The following MACROD2 variants were observed in gnomAD, a reference collection of about 807,000 sequenced individuals.
MACROD2 encodes the protein ADP-ribose glycohydrolase MACROD2.
Under a neutral mutation model 70.4 loss-of-function variants are expected in MACROD2, and 36 were observed. The ratio of observed to expected loss-of-function variants is 0.51; its 90% CI spans 0.39 to 0.68. MACROD2 has a LOEUF of 0.68. Ranked by LOEUF, MACROD2 falls within the 30% of genes least tolerant of loss-of-function variation. The pLI, the probability that MACROD2 is intolerant of heterozygous loss-of-function variation, is 0.00. For missense variants in MACROD2, 496 were observed against 538.4 expected (o/e 0.92, Z 0.78); for synonymous variants, 172 against 178.8 (o/e 0.96, Z 0.30).
At position 14,987,357 on chromosome 20, in the gene MACROD2, G is replaced by C. The variant is rs2031347; in HGVS notation, c.419-242583G>C. The stretch of plus-strand genomic sequence containing the variant: ...TAACACAATTCCAGGCAACTAGTAA[G>C]CATTCAAAATGTGTTACTATTATTA... On this transcript the variant is annotated intron_variant, in intron 5 of 17. Transcript: ENST00000684519. Among the ~76,000 whole-genome samples the C allele has an allele frequency of 6.6e-5, 10 of 152,190 alleles. 1 individual carries two copies. The highest frequency in any genetic ancestry group is 6.5e-4 in the Admixed American group (10 of 15,274).
At chr20:15,449,822 G>A (rs373244098) in intron 7 of MACROD2, among the ~76,000 whole-genome samples, 16 of 151,934 alleles carry the variant, frequency 1.1e-4, no homozygotes, top group Non-Finnish European at 1.6e-4. Context: ...GTGAAAACCC[G>A]TCTCTACTAA....
chr20:15,278,318 A>G (rs2077411540), intron 6 of MACROD2, among the ~76,000 whole-genome samples: 2 of 152,190 alleles, frequency 1.3e-5, no homozygotes, highest in South Asian at 4.1e-4. Flanking sequence ...ACCTAACCCA[A>G]CTTCAGGGGG....
chr20:15,066,257 G>C (rs1398656986), intron 5 of MACROD2, among the ~76,000 whole-genome samples: 1 of 151,800 alleles, frequency 6.6e-6, no homozygotes, highest in Non-Finnish European at 1.5e-5. Flanking sequence ...TCAGCCTCTG[G>C]AGTAGCTGGG....
intron 5 of MACROD2, among the ~76,000 whole-genome samples, chr20:15,096,641 A>T (rs755083828): frequency 1.3e-5 from 2 of 150,408 alleles, no homozygotes; most frequent in Non-Finnish European, 3.0e-5. Flanking sequence ...CCTTCTGAGT[A>T]GCTGAGACTA....
chr20:14,804,308 A>T (rs2072613286), intron 5 of MACROD2, among the ~76,000 whole-genome samples: 1 of 151,758 alleles, frequency 6.6e-6, no homozygotes, highest in Non-Finnish European at 1.5e-5. Context: ...TTTAAGCTTC[A>T]TTTAGATTCT....
At chr20:15,112,729 T>C (rs1254060623) in intron 5 of MACROD2, among the ~76,000 whole-genome samples, 1 of 152,174 alleles carries the variant, frequency 6.6e-6, no homozygotes, top group East Asian at 1.9e-4. Flanking sequence ...GCCACCACCA[T>C]CTGTCTCTAG....
At chr20:15,280,662 T>G (rs2077435922) in intron 6 of MACROD2, 1 of 152,216 alleles carries the variant, frequency 6.6e-6, no homozygotes, top group Admixed American at 6.5e-5. Context: ...TTCCTTGGTC[T>G]TCATTAGGCA....
intron 2 of MACROD2, among the ~76,000 whole-genome samples, chr20:14,023,455 T>C (rs1486253831): frequency 1.3e-5 from 2 of 152,244 alleles, no homozygotes; most frequent in Non-Finnish European, 2.9e-5. Context: ...TTTTATGTTT[T>C]AGTTATGAAG....
intron 3 of MACROD2, among the ~76,000 whole-genome samples, chr20:14,258,743 T>C (rs1402164051): frequency 6.6e-6 from 1 of 152,194 alleles, no homozygotes; most frequent in Non-Finnish European, 1.5e-5. Context: ...ATTTTTGTTT[T>C]TGTTGCATTT....
In MACROD2 at chr20:14,837,228, T is replaced by G. The variant is rs774485177; in HGVS notation, c.418+152269T>G. Among the ~76,000 whole-genome samples, 11 of 152,052 alleles carry G rather than the reference T, an allele frequency of 7.2e-5. 1 individual carries two copies. Among genetic ancestry groups the G allele is most frequent in the Admixed American group, 5.9e-4 (9 of 15,266 alleles). Reference sequence around the variant, plus strand: ...TCAACATCTGACATGAACTTTGTCTTTCCAAAGACCATAGAATGGGCTATG... The same window carrying G: ...TCAACATCTGACATGAACTTTGTCTGTCCAAAGACCATAGAATGGGCTATG... On this transcript the variant is annotated intron_variant, in intron 5 of 17. Coordinates refer to ENST00000684519, the MANE Select transcript of MACROD2 (RefSeq NM_001351661.2).
rs61128727 is a variant in MACROD2 at position 15,842,838 on chromosome 20, T to TG, written c.646-19901dup. 6.5e-3 allele frequency among the ~76,000 whole-genome samples: 984 copies of TG among 152,206 alleles called. 5 individuals are homozygous for TG. Among genetic ancestry groups the TG allele is most frequent in the Non-Finnish European group, 0.011 (755 of 68,006 alleles). ...ACGTAACACTTTACCTCCTTTGCCC[T>TG]GGGGGGTTGTGTCGTCTCTCAAGAA... On this transcript the variant is annotated intron_variant, in intron 8 of 17. Transcript: ENST00000684519.
chr20:14,175,153 A>G (rs929763968), intron 3 of MACROD2, among the ~76,000 whole-genome samples: 14 of 152,182 alleles, frequency 9.2e-5, no homozygotes, highest in African/African-American at 3.4e-4. Context: ...GTGAATCTCC[A>G]CATGCTGCTC....
intron 5 of MACROD2, among the ~76,000 whole-genome samples, chr20:14,767,802 C>G (rs1169800450): frequency 1.3e-5 from 2 of 151,864 alleles, no homozygotes; most frequent in South Asian, 2.1e-4. Context: ...TCCCCCACCC[C>G]CTGACAGGCC....
chr20:15,911,727 T>G (rs2065240565), intron 10 of MACROD2, among the ~76,000 whole-genome samples: 1 of 152,212 alleles, frequency 6.6e-6, no homozygotes, highest in Admixed American at 6.5e-5. Context: ...CCTCTGTATG[T>G]TGTTGCTGGG....
At chr20:15,239,096 G>A (rs1253584984) in intron 6 of MACROD2, among the ~76,000 whole-genome samples, 1 of 151,908 alleles carries the variant, frequency 6.6e-6, no homozygotes. Context: ...TTGAACAATT[G>A]GGCAATTTTG....
chr20:15,273,405 T>G (rs8120608), intron 6 of MACROD2, among the ~76,000 whole-genome samples: 23,525 of 142,896 alleles, frequency 0.16, 2,077 homozygotes, highest in Non-Finnish European at 0.21. Flanking sequence ...TAATACTTAC[T>G]AAACTCCCCT....
chr20:15,502,495 G>A (rs1417394854), intron 8 of MACROD2, among the ~76,000 whole-genome samples: 2 of 152,146 alleles, frequency 1.3e-5, no homozygotes, highest in East Asian at 3.9e-4. Flanking sequence ...TTGTTGAAGT[G>A]TTTTGGGTAG....
chr20:15,541,503 C>CT (rs1327803674), intron 8 of MACROD2, among the ~76,000 whole-genome samples: 1 of 152,084 alleles, frequency 6.6e-6, no homozygotes, highest in Non-Finnish European at 1.5e-5. Flanking sequence ...AGAGCTGGGT[C>CT]TTTGAGTTTT....
intron 5 of MACROD2, among the ~76,000 whole-genome samples, chr20:15,177,184 G>GAGTGGGTGGAATGAGCCC (rs1211606390): frequency 1.3e-5 from 2 of 152,212 alleles, no homozygotes; most frequent in Non-Finnish European, 2.9e-5. Flanking sequence ...CTGCTGGGCC[G>GAGTGGGTGGAATGAGCCC]AGTGGGTGGA....
Sources: gnomAD v4.1 joint callset for allele counts (sites outside exome capture counted in the v4.1 genomes callset) on GRCh38, gnomAD v4.1.1 for gene constraint, MANE v1.5 for transcripts, NCBI Gene and HGNC (gene_info 2026-07-23, HGNC 2026-07-21) for gene names.